Variants in DPYD observed in about 807,000 individuals in gnomAD.
DPYD encodes the protein dihydropyrimidine dehydrogenase, also known as dihydropyrimidine dehydrogenase [NADP(+)].
Under a neutral mutation model 116.2 loss-of-function variants are expected in DPYD, and 109 were observed. The ratio of observed to expected loss-of-function variants is 0.94; its 90% CI spans 0.80 to 1.10. DPYD has a LOEUF of 1.10. Among genes scored for constraint, DPYD ranks in the 50% least tolerant of loss-of-function variants. The pLI, the probability that DPYD is intolerant of heterozygous loss-of-function variation, is 0.00. For missense variants in DPYD, 1,302 were observed against 1,254.5 expected (o/e 1.04, Z -0.57); for synonymous variants, 440 against 432.0 (o/e 1.02, Z -0.23).
chr1:97,227,275 C>T (rs1352405522), intron 19 of DPYD, among the ~76,000 whole-genome samples: 6 of 131,366 alleles, frequency 4.6e-5, no homozygotes, highest in Non-Finnish European at 7.7e-5. Flanking sequence ...TGCAGTGAGC[C>T]GAGATCGTGC....
At chr1:97,634,909 A>AT (rs1196408652) in intron 8 of DPYD, among the ~76,000 whole-genome samples, 2 of 151,308 alleles carry the variant, frequency 1.3e-5, no homozygotes, top group African/African-American at 4.9e-5. Flanking sequence ...TCTAGTTGCA[A>AT]TTGCTTGAAA....
chr1:97,768,379 A>G, intron 3 of DPYD, among the ~76,000 whole-genome samples: 1 of 152,156 alleles, frequency 6.6e-6, no homozygotes, highest in South Asian at 2.1e-4. Context: ...GTTTATTTCA[A>G]CGTGAATTGA....
At chr1:97,284,435 G>A (rs776103490) in intron 18 of DPYD, among the ~76,000 whole-genome samples, 1 of 151,850 alleles carries the variant, frequency 6.6e-6, no homozygotes, top group Non-Finnish European at 1.5e-5. Context: ...TTTTCATATT[G>A]GATACAGTTA....
intron 12 of DPYD, among the ~76,000 whole-genome samples, chr1:97,517,739 A>G (rs764485073): frequency 8.5e-5 from 13 of 152,126 alleles, no homozygotes; most frequent in Non-Finnish European, 1.5e-4. Context: ...AGGTTGATTA[A>G]TATCAGTAAA....
chr1:97,909,388 C>A (rs1241867047), intron 1 of DPYD, among the ~76,000 whole-genome samples: 1 of 152,088 alleles, frequency 6.6e-6, no homozygotes, highest in Admixed American at 6.6e-5. Context: ...CCCACTGCAA[C>A]TCTTCCCTTA....
intron 20 of DPYD, among the ~76,000 whole-genome samples, chr1:97,133,684 A>G (rs978227933): frequency 1.1e-4 from 16 of 151,866 alleles, no homozygotes; most frequent in African/African-American, 3.9e-4. Flanking sequence ...TTGACCTATT[A>G]GGTTACATTT....
rs1571496679 is a variant in DPYD at position 97,866,570 on chromosome 1, T to A, written c.150+16694A>T. On this transcript the variant is annotated intron_variant, in intron 2 of 22. Coordinates refer to ENST00000370192, the MANE Select transcript of DPYD (RefSeq NM_000110.4). ...AGTTACAGTTGTGAACAAAACTGAC[T>A]AAGCTACTGCTCTCAGGAAACTTGA... 3.9e-5 allele frequency among the ~76,000 whole-genome samples: 6 copies of A among 151,910 alleles called. No homozygotes were observed. In the East Asian group the frequency reaches 1.2e-3, roughly 29 times the overall value.
At chr1:97,358,275 G>C (rs1176060305) in intron 16 of DPYD, among the ~76,000 whole-genome samples, 3 of 152,214 alleles carry the variant, frequency 2.0e-5, no homozygotes, top group Non-Finnish European at 4.4e-5. Context: ...GCTGAGGCTT[G>C]AATAGGTAAA....
At chr1:97,574,991 C>G (rs1653171100) in intron 10 of DPYD, among the ~76,000 whole-genome samples, 1 of 152,090 alleles carries the variant, frequency 6.6e-6, no homozygotes, top group Admixed American at 6.6e-5. Context: ...ATGCTGTAAT[C>G]AAGCCATGGG....
intron 11 of DPYD, among the ~76,000 whole-genome samples, chr1:97,563,687 G>A (rs1182877680): frequency 1.3e-5 from 2 of 152,176 alleles, no homozygotes; most frequent in Admixed American, 6.5e-5. Context: ...GCAGTTATTA[G>A]AGGGAAGTAA....
intron 19 of DPYD, among the ~76,000 whole-genome samples, chr1:97,203,793 C>CAAAAAAAAAAAAA (rs56819543): frequency 4.6e-5 from 3 of 65,714 alleles, no homozygotes; most frequent in Non-Finnish European, 5.7e-5. Context: ...ATTCACATTC[C>CAAAAAAAAAAAAA]AAAAAAAAAA....
At chr1:97,373,671 A>G (rs754530070) in intron 15 of DPYD, 27 bp from the exon 16 acceptor site, 2 of 1,600,448 alleles carry the variant, frequency 1.2e-6, no homozygotes, top group South Asian at 1.1e-5. Context: ...AAAATGAAAG[A>G]AAAGGCAAAG....
At chr1:97,518,296 T>C (rs1648380345) in intron 12 of DPYD, among the ~76,000 whole-genome samples, 1 of 152,120 alleles carries the variant, frequency 6.6e-6, no homozygotes, top group African/African-American at 2.4e-5. Flanking sequence ...TATAATATAA[T>C]CTAAAATCTT....
intron 3 of DPYD, among the ~76,000 whole-genome samples, chr1:97,826,000 T>C (rs909525604): frequency 4.7e-5 from 7 of 149,640 alleles, no homozygotes; most frequent in Non-Finnish European, 8.9e-5. Flanking sequence ...CCACTGTGTT[T>C]AATGAATCCA....
intron 3 of DPYD, among the ~76,000 whole-genome samples, chr1:97,778,453 A>G (rs768925501): frequency 6.6e-6 from 1 of 152,126 alleles, no homozygotes; most frequent in Non-Finnish European, 1.5e-5. Context: ...TGAGAAGGTA[A>G]GAAATTAAAC....
chr1:97,785,263 A>T lies in DPYD; in HGVS notation c.233+42851T>A, dbSNP rs182413801. Among the ~76,000 whole-genome samples, 355 of 152,300 alleles carry T rather than the reference A, an allele frequency of 2.3e-3. 3 individuals are homozygous for T. The highest frequency in any genetic ancestry group is 8.2e-3 in the African/African-American group (339 of 41,574). On this transcript the variant is annotated intron_variant, in intron 3 of 22. Transcript: ENST00000370192. ...TTCATTTGTTATTTTCATAATGTAT[A>T]ACATATAAAAGTACTTTACTGAATA...
intron 3 of DPYD, among the ~76,000 whole-genome samples, chr1:97,823,919 A>G (rs1669099072): frequency 6.6e-6 from 1 of 151,164 alleles, no homozygotes; most frequent in Non-Finnish European, 1.5e-5. Flanking sequence ...AAGTAAACAA[A>G]CAAACAAAAA....
chr1:97,459,247 C>T (rs996339490), intron 13 of DPYD, among the ~76,000 whole-genome samples: 1 of 151,920 alleles, frequency 6.6e-6, no homozygotes, highest in Non-Finnish European at 1.5e-5. Context: ...TACCTGAAAG[C>T]AAACAAATGT....
chr1:97,897,657 AGT>A (rs1341850957), intron 1 of DPYD, among the ~76,000 whole-genome samples: 1 of 151,736 alleles, frequency 6.6e-6, no homozygotes, highest in Non-Finnish European at 1.5e-5. Flanking sequence ...AATATTATCC[AGT>A]GTGTTTTTCA....
Sources: allele counts gnomAD v4.1 joint callset (sites outside exome capture counted in the v4.1 genomes callset), GRCh38; gene constraint gnomAD v4.1.1; transcripts MANE v1.5; gene names NCBI Gene and HGNC (gene_info 2026-07-23, HGNC 2026-07-21).